The following DERA variants were observed in gnomAD, a reference collection of about 807,000 sequenced individuals.
The protein encoded by DERA is deoxyribose-phosphate aldolase.
In DERA, 15 loss-of-function variants were observed where a neutral mutation model predicts 41.1. The observed-to-expected ratio is 0.37, with a 90% CI of 0.24 to 0.56. DERA has a LOEUF of 0.56. DERA is among the 20% of genes least tolerant of loss of function. The pLI is 0.81. For synonymous variants in DERA, 139 were observed against 137.4 expected (o/e 1.01, Z -0.08); for missense variants, 396 against 403.4 (o/e 0.98, Z 0.16).
Position 15,988,164 on chromosome 12 carries a change from G to A in DERA, c.637+5728G>A, listed in dbSNP as rs1014350266. On this transcript the variant is annotated intron_variant, in intron 6 of 8. Transcript: ENST00000428559. This position sits in a 1 kb window ranked among gnomAD's most constrained non-coding sequence, Gnocchi z 6.0. ...ACAGGCCTAGCTGGGGGAGCCCTGA[G>A]TTCTGGGCTCCCAGAAGGGCCGCAG... Among the ~76,000 whole-genome samples, 1 of 152,212 alleles carries A rather than the reference G, an allele frequency of 6.6e-6. No individual in the cohort carries two copies. The highest frequency in any genetic ancestry group is 1.5e-5 in the Non-Finnish European group (1 of 68,034).
chr12:15,911,864 G>A lies in DERA; in HGVS notation c.31+450G>A. The A allele has an allele frequency of 2.3e-6, 1 of 435,532 alleles. No homozygotes were observed. Among genetic ancestry groups the A allele is most frequent in the South Asian group, 1.6e-5 (1 of 61,564 alleles). 27.0% of individuals were successfully genotyped at this position (435,532 alleles called of 1,614,324 possible). A position where few individuals can be genotyped will look rare whatever the true frequency, so the allele number is the denominator to read the frequency against. ...CCGTAACCTTGAAGTGGCCGTGCTCGTGGAAAAGTTGTCAGCCGTCTGTGC... is the reference window on the plus strand; with the variant it reads ...CCGTAACCTTGAAGTGGCCGTGCTCATGGAAAAGTTGTCAGCCGTCTGTGC... On this transcript the variant is annotated intron_variant, in intron 1 of 8. Transcript: ENST00000428559. The surrounding 1 kb of genome is among the most constrained non-coding windows in gnomAD (Gnocchi z 4.5).
rs1565615805 is a variant in DERA at position 16,019,071 on chromosome 12, G to T, written c.638-13471G>T. Among the ~76,000 whole-genome samples, 1 of 152,166 alleles carries T rather than the reference G, an allele frequency of 6.6e-6. No individual in the cohort carries two copies. On this transcript the variant is annotated intron_variant, in intron 6 of 8. Coordinates refer to ENST00000428559, the MANE Select transcript of DERA (RefSeq NM_015954.4). The surrounding 1 kb of genome is among the most constrained non-coding windows in gnomAD (Gnocchi z 4.4). The stretch of plus-strand genomic sequence containing the variant: ...TGAAGAGAGTCTGTAGTGCTGTGTG[G>T]TGTTGGTAATTCAAAATGTAGCATT...
intron 1 of DERA, among the ~76,000 whole-genome samples, chr12:15,920,621 T>C (rs1036328038): frequency 2.6e-5 from 4 of 152,026 alleles, no homozygotes; most frequent in African/African-American, 9.7e-5. Flanking sequence ...GATCATGAGA[T>C]GAAGAGATTG....
At chr12:15,950,000 C>T (rs1948485186) in intron 1 of DERA, among the ~76,000 whole-genome samples, 1 of 152,200 alleles carries the variant, frequency 6.6e-6, no homozygotes, top group Non-Finnish European at 1.5e-5. Context: ...GCCTTGCCTA[C>T]TTTCCCCTGA....
Position 15,954,998 on chromosome 12 carries a change from A to G in DERA, c.32-1938A>G, listed in dbSNP as rs1160637679. Among the ~76,000 whole-genome samples, 1 of 145,920 alleles carries G rather than the reference A, an allele frequency of 6.9e-6. No homozygotes were observed. Among genetic ancestry groups the G allele is most frequent in the Admixed American group, 6.9e-5 (1 of 14,532 alleles). On this transcript the variant is annotated intron_variant, in intron 1 of 8. Coordinates refer to ENST00000428559, the MANE Select transcript of DERA (RefSeq NM_015954.4). This position sits in a 1 kb window ranked among gnomAD's most constrained non-coding sequence, Gnocchi z 4.0. ...TCAGCATTATCAATCATCTGAGGAG[A>G]AAAAAAAAAAGCCTCTTAGGGCTGG...
chr12:16,036,659 A>G lies in DERA; in HGVS notation c.901-31A>G. 5 of 1,496,836 alleles carry G rather than the reference A, an allele frequency of 3.3e-6. No homozygotes were observed. The highest frequency in any genetic ancestry group is 4.6e-6 in the Non-Finnish European group (5 of 1,082,690). 92.7% of individuals were successfully genotyped at this position (1,496,836 alleles called of 1,614,324 possible). On this transcript the variant is annotated intron_variant, in intron 8 of 8. Transcript: ENST00000428559. This position sits in a 1 kb window ranked among gnomAD's most constrained non-coding sequence, Gnocchi z 4.9. ...AACTGATGTGTATAATTATAGAATGATTGTTAATTAAACTCTGCTTTTCCT... is the reference window on the plus strand; with the variant it reads ...AACTGATGTGTATAATTATAGAATGGTTGTTAATTAAACTCTGCTTTTCCT...
Position 15,982,317 on chromosome 12 carries a change from A to G in DERA, c.518A>G (p.Asp173Gly). ...TTATTTTCTTCCCCAGCCCTGTATG[A>G]TGAGATTCGTCAGTTTCGCAAGGCC... ...VLTGQWEALY[D>G]EIRQFRKACG... The change falls in exon 6 of 9, where the codon GAT becomes GGT. Residue 173 changes from aspartate (D) to glycine (G), a missense_variant. Asp to Gly is a moderately conservative substitution (Grantham distance 94). Coordinates refer to ENST00000428559, the MANE Select transcript of DERA (RefSeq NM_015954.4). The surrounding 1 kb of genome is among the most constrained non-coding windows in gnomAD (Gnocchi z 4.0). The G allele has an allele frequency of 6.2e-7, 1 of 1,612,882 alleles. No homozygotes were observed. The highest frequency in any genetic ancestry group is 8.5e-7 in the Non-Finnish European group (1 of 1,179,610).
Position 15,994,463 on chromosome 12 carries a change from C to CT in DERA, c.637+12035dup, listed in dbSNP as rs1290430014. Among the ~76,000 whole-genome samples the CT allele has an allele frequency of 3.9e-5, 6 of 151,924 alleles. No homozygotes were observed. Among genetic ancestry groups the CT allele is most frequent in the African/African-American group, 9.7e-5 (4 of 41,336 alleles). On this transcript the variant is annotated intron_variant, in intron 6 of 8. Coordinates refer to ENST00000428559, the MANE Select transcript of DERA (RefSeq NM_015954.4). The surrounding 1 kb of genome is among the most constrained non-coding windows in gnomAD (Gnocchi z 4.8). ...GTGGTTACTGATCTATTAGAAAATT[C>CT]TTTTTTTTGAGACGGAGTCTCGTTC...
chr12:15,916,064 A>C (rs1033374808), intron 1 of DERA: 1 of 152,234 alleles, frequency 6.6e-6, no homozygotes, highest in Non-Finnish European at 1.5e-5. Flanking sequence ...TTGTCTGTTT[A>C]AAACATAAAG....
At chr12:15,953,238 G>T (rs1322284880) in intron 1 of DERA, among the ~76,000 whole-genome samples, 1 of 152,190 alleles carries the variant, frequency 6.6e-6, no homozygotes, top group Non-Finnish European at 1.5e-5. Context: ...TCCAGCCAGT[G>T]TGGTAAGTTT....
In DERA at chr12:15,983,982, G is replaced by A. The variant is rs886393130; in HGVS notation, c.637+1546G>A. ...ACTCACTGTGCCTCTTAGGAACCTG[G>A]GAAAAGCCCCTTGGAGGCTACTTGG... On this transcript the variant is annotated intron_variant, in intron 6 of 8. Transcript: ENST00000428559. This position sits in a 1 kb window ranked among gnomAD's most constrained non-coding sequence, Gnocchi z 6.2. Among the ~76,000 whole-genome samples the A allele has an allele frequency of 1.7e-4, 26 of 152,188 alleles. No individual in the cohort carries two copies. Among genetic ancestry groups the A allele is most frequent in the African/African-American group, 6.3e-4 (26 of 41,452 alleles).
rs1948953994 is a variant in DERA, at chr12:16,012,636, G to A, written c.638-19906G>A. ...ATCTTCTTATTCTATTCTACCTCTA[G>A]GCAGAATTAAGCCTTTTTTCTCAAT... On this transcript the variant is annotated intron_variant, in intron 6 of 8. Transcript: ENST00000428559. This position sits in a 1 kb window ranked among gnomAD's most constrained non-coding sequence, Gnocchi z 4.1. 6.6e-6 allele frequency among the ~76,000 whole-genome samples: 1 copy of A among 152,104 alleles called. No homozygotes were observed. Among genetic ancestry groups the A allele is most frequent in the Non-Finnish European group, 1.5e-5 (1 of 68,036 alleles).
chr12:16,025,197 ATATT>A (rs1348200781), intron 6 of DERA, among the ~76,000 whole-genome samples: 1 of 152,200 alleles, frequency 6.6e-6, no homozygotes, highest in Non-Finnish European at 1.5e-5. Context: ...AACATGGTAT[ATATT>A]AATTTGACTA....
rs1045999618 is a variant in DERA at position 15,911,536 on chromosome 12, G to A, written c.31+122G>A. ...GTCCCCGAGGGGTTTTCGCTGGGGCGGGAAGCAGTGGCGTCTGGTCAGCCC... is the reference window on the plus strand; with the variant it reads ...GTCCCCGAGGGGTTTTCGCTGGGGCAGGAAGCAGTGGCGTCTGGTCAGCCC... On this transcript the variant is annotated intron_variant, in intron 1 of 8. Coordinates refer to ENST00000428559, the MANE Select transcript of DERA (RefSeq NM_015954.4). This position sits in a 1 kb window ranked among gnomAD's most constrained non-coding sequence, Gnocchi z 4.5. The A allele has an allele frequency of 2.0e-6, 2 of 988,860 alleles. No individual in the cohort carries two copies. Among genetic ancestry groups the A allele is most frequent in the African/African-American group, 1.7e-5 (1 of 60,400 alleles). 61.3% of individuals were successfully genotyped at this position (988,860 alleles called of 1,614,324 possible). A position where few individuals can be genotyped will look rare whatever the true frequency, so the allele number is the denominator to read the frequency against.
Position 15,959,950 on chromosome 12 carries a change from T to C in DERA, c.373+26T>C. 2 of 1,505,786 alleles carry C rather than the reference T, an allele frequency of 1.3e-6. No homozygotes were observed. The highest frequency in any genetic ancestry group is 1.7e-4 in the Middle Eastern group (1 of 5,862). The allele number at this position is 1,505,786 out of a possible 1,614,324, so 93.3% of individuals were successfully genotyped here. ...GTAAAATGTGTTGTGGCTTTTGTTG[T>C]TATTTTTTAAACATGTTTCCAGTTC... On this transcript the variant is annotated intron_variant, in intron 4 of 8. Transcript: ENST00000428559. This position sits in a 1 kb window ranked among gnomAD's most constrained non-coding sequence, Gnocchi z 4.5.
Position 15,931,617 on chromosome 12 carries a change from CATGCT to C in DERA, c.31+20207_31+20211del, listed in dbSNP as rs766084624. On this transcript the variant is annotated intron_variant, in intron 1 of 8. Transcript: ENST00000428559. The surrounding 1 kb of genome is among the most constrained non-coding windows in gnomAD (Gnocchi z 4.6). ...TTTTATGGAGTTATCTTCATGAGAGCATGCTATGGTTTGGATGTGGTTTGTCTACA... is the reference window on the plus strand; with the variant it reads ...TTTTATGGAGTTATCTTCATGAGAGCATGGTTTGGATGTGGTTTGTCTACA... 7.2e-5 allele frequency among the ~76,000 whole-genome samples: 11 copies of C among 152,170 alleles called. No individual in the cohort carries two copies.
In DERA at chr12:15,943,108, C is replaced by G. The variant is rs1049439707; in HGVS notation, c.32-13828C>G. On this transcript the variant is annotated intron_variant, in intron 1 of 8. Transcript: ENST00000428559. The surrounding 1 kb of genome is among the most constrained non-coding windows in gnomAD (Gnocchi z 4.5). The stretch of plus-strand genomic sequence containing the variant: ...GTTCTAATCTGTAAACTCTTCCACA[C>G]ACTTACCTGAGGCTGTTTATGGGTA... Among the ~76,000 whole-genome samples, 3 of 152,226 alleles carry G rather than the reference C, an allele frequency of 2.0e-5. No homozygotes were observed. The highest frequency in any genetic ancestry group is 4.4e-5 in the Non-Finnish European group (3 of 68,036).
chr12:15,918,980 AAG>A lies in DERA; in HGVS notation c.31+7568_31+7569del, dbSNP rs1040595970. 1.8e-4 allele frequency among the ~76,000 whole-genome samples: 27 copies of A among 152,304 alleles called. No homozygotes were observed. Among genetic ancestry groups the A allele is most frequent in the Non-Finnish European group, 3.1e-4 (21 of 68,034 alleles). On this transcript the variant is annotated intron_variant, in intron 1 of 8. Coordinates refer to ENST00000428559, the MANE Select transcript of DERA (RefSeq NM_015954.4). The surrounding 1 kb of genome is among the most constrained non-coding windows in gnomAD (Gnocchi z 4.3). ...GCTAAGAGTAATGTTTTCATGAAGA[AAG>A]AAAAAAAATCCTTCATAGCCTATGT...
rs1209060942 is a variant in DERA, at chr12:15,918,423, C to T, written c.31+7009C>T. Among the ~76,000 whole-genome samples the T allele has an allele frequency of 1.3e-5, 2 of 152,156 alleles. No homozygotes were observed. Among genetic ancestry groups the T allele is most frequent in the African/African-American group, 4.8e-5 (2 of 41,438 alleles). ...CTGGGCTACCCCATTCTGTTTGGCCCACTCTGGGCCATAGTGGTGCCCCCA... is the reference window on the plus strand; with the variant it reads ...CTGGGCTACCCCATTCTGTTTGGCCTACTCTGGGCCATAGTGGTGCCCCCA... On this transcript the variant is annotated intron_variant, in intron 1 of 8. Transcript: ENST00000428559. This position sits in a 1 kb window ranked among gnomAD's most constrained non-coding sequence, Gnocchi z 4.3.
Sources: allele counts gnomAD v4.1 joint callset (sites outside exome capture counted in the v4.1 genomes callset), GRCh38; gene constraint gnomAD v4.1.1; non-coding constraint Gnocchi (gnomAD v3.1); transcripts MANE v1.5; gene names NCBI Gene and HGNC (gene_info 2026-07-23, HGNC 2026-07-21).